Variants in PDE10A observed in about 807,000 individuals in gnomAD.
PDE10A encodes phosphodiesterase 10A.
In PDE10A, 39 loss-of-function variants were observed where a neutral mutation model predicts 97.7. The ratio of observed to expected loss-of-function variants is 0.40; its 90% CI spans 0.31 to 0.52. The LOEUF is 0.52. Among genes scored for constraint, PDE10A ranks in the 20% least tolerant of loss-of-function variants. The pLI is 0.56. For missense variants in PDE10A, 731 were observed against 1,047.8 expected (o/e 0.70, Z 4.17); for synonymous variants, 371 against 376.8 (o/e 0.98, Z 0.18).
At chr6:165,738,014 A>ATTTTAT (rs71552889) in intron 1 of PDE10A, among the ~76,000 whole-genome samples, 42,028 of 151,466 alleles carry the variant, frequency 0.28, 6,892 homozygotes, top group Middle Eastern at 0.38. Flanking sequence ...ATTTTATTTT[A>ATTTTAT]TTTTTTTATT....
At chr6:165,641,290 TTAAC>T (rs1471320536) in intron 1 of PDE10A, among the ~76,000 whole-genome samples, 1 of 152,202 alleles carries the variant, frequency 6.6e-6, no homozygotes, top group East Asian at 1.9e-4. Context: ...TATGAGGTAG[TTAAC>T]TAATTATAGC....
rs552621006 is a variant in PDE10A at position 165,523,954 on chromosome 6, A to G, written c.994+19486T>C. ...TGGGGAAGACGGGCCCACTCTTAATAAGGTGGGCACCATCTAATCAGCTTC... is the reference window on the plus strand; with the variant it reads ...TGGGGAAGACGGGCCCACTCTTAATGAGGTGGGCACCATCTAATCAGCTTC... On this transcript the variant is annotated intron_variant, in intron 2 of 21. Transcript: ENST00000539869. Among the ~76,000 whole-genome samples the G allele has an allele frequency of 1.1e-3, 166 of 152,296 alleles. 1 individual carries two copies. Among genetic ancestry groups the G allele is most frequent in the South Asian group, 0.01 (50 of 4,826 alleles).
At chr6:165,800,957 C>T (rs550622716) in intron 1 of PDE10A, among the ~76,000 whole-genome samples, 2 of 152,266 alleles carry the variant, frequency 1.3e-5, no homozygotes, top group South Asian at 4.1e-4. Flanking sequence ...ATCTCCATCA[C>T]CTGGCTCCTG....
At chr6:165,649,079 C>T (rs1254875642) in intron 1 of PDE10A, among the ~76,000 whole-genome samples, 1 of 152,160 alleles carries the variant, frequency 6.6e-6, no homozygotes, top group East Asian at 1.9e-4. Flanking sequence ...CTGACAGGCC[C>T]GTACCTTTCA....
intron 1 of PDE10A, among the ~76,000 whole-genome samples, chr6:165,845,461 C>T (rs141770997): frequency 1.3e-5 from 2 of 152,286 alleles, no homozygotes; most frequent in Non-Finnish European, 2.9e-5. Flanking sequence ...CAGGACAGAA[C>T]TCCACAAACC....
At chr6:165,968,417 C>T (rs1041103509) in intron 1 of PDE10A, among the ~76,000 whole-genome samples, 1 of 152,154 alleles carries the variant, frequency 6.6e-6, no homozygotes, top group African/African-American at 2.4e-5. Flanking sequence ...CATGAAGCCA[C>T]CACTACCACC....
chr6:165,657,083 T>A (rs756863037), intron 1 of PDE10A, among the ~76,000 whole-genome samples: 1 of 152,264 alleles, frequency 6.6e-6, no homozygotes, highest in Non-Finnish European at 1.5e-5. Flanking sequence ...GTACCTTCTC[T>A]ATGTGTGTCA....
intron 1 of PDE10A, among the ~76,000 whole-genome samples, chr6:165,737,405 A>T (rs1792604119): frequency 6.6e-6 from 1 of 152,250 alleles, no homozygotes; most frequent in Admixed American, 6.5e-5. Context: ...GATACTAGGA[A>T]ACCAAAATTA....
rs150316997 is a variant in PDE10A, at chr6:165,861,638, C to A, written c.-615+125891G>T. Among the ~76,000 whole-genome samples the A allele has an allele frequency of 4.1e-3, 624 of 151,868 alleles. 3 individuals carry two copies. Among genetic ancestry groups the A allele is most frequent in the Non-Finnish European group, 6.6e-3 (451 of 67,934 alleles). On this transcript the variant is annotated intron_variant, in intron 1 of 19. Transcript: ENST00000366882. ...AGTCGCAGGAGGACAGATGGGAGTTCGCTGGGAAGGGGAGCAGAGACCGAA... is the reference window on the plus strand; with the variant it reads ...AGTCGCAGGAGGACAGATGGGAGTTAGCTGGGAAGGGGAGCAGAGACCGAA...
chr6:165,427,595 T>C (rs890809464), intron 10 of PDE10A, among the ~76,000 whole-genome samples: 8 of 152,280 alleles, frequency 5.3e-5, no homozygotes, highest in African/African-American at 1.7e-4. Context: ...TCCGTGAATA[T>C]AGTAAAAACC....
At chr6:165,539,930 T>C (rs1032033286) in intron 2 of PDE10A, among the ~76,000 whole-genome samples, 2 of 151,556 alleles carry the variant, frequency 1.3e-5, no homozygotes, top group Non-Finnish European at 2.9e-5. Flanking sequence ...TGCTCAAAAA[T>C]CAATCAATCA....
intron 5 of PDE10A, among the ~76,000 whole-genome samples, chr6:165,440,875 C>T (rs1289837493): frequency 6.6e-6 from 1 of 151,910 alleles, no homozygotes; most frequent in Non-Finnish European, 1.5e-5. Flanking sequence ...AGGTTTTCAG[C>T]TTTCACAAAC....
chr6:165,874,396 T>C (rs1056849788), intron 1 of PDE10A, among the ~76,000 whole-genome samples: 2 of 152,064 alleles, frequency 1.3e-5, no homozygotes, highest in Non-Finnish European at 2.9e-5. Flanking sequence ...TTAGCCAGAG[T>C]AAGCAGGGTA....
At chr6:165,637,624 A>C (rs1788939048) in intron 1 of PDE10A, among the ~76,000 whole-genome samples, 1 of 152,202 alleles carries the variant, frequency 6.6e-6, no homozygotes, top group Admixed American at 6.5e-5. Context: ...CTTTGTTTCC[A>C]GGCATCATGT....
chr6:165,604,518 T>TAAAAAAAAA (rs34272357), intron 1 of PDE10A, among the ~76,000 whole-genome samples: 208 of 137,756 alleles, frequency 1.5e-3, no homozygotes, highest in Middle Eastern at 0.012. Context: ...CTCTCTTTGT[T>TAAAAAAAAA]AAAAAAAAAA....
chr6:165,712,631 C>CT (rs71675206), intron 1 of PDE10A, among the ~76,000 whole-genome samples: 14 of 88,972 alleles, frequency 1.6e-4, no homozygotes, highest in South Asian at 4.0e-4. Flanking sequence ...AACTTTCTTT[C>CT]TTTTTTTTTT....
rs199569662 is a variant in PDE10A at position 165,760,695 on chromosome 6, T to TG, written c.-614-217128dup. On this transcript the variant is annotated intron_variant, in intron 1 of 19. Coordinates refer to the PDE10A transcript ENST00000366882. ...GGCTGAACTCCTACATTGTACCTGG[T>TG]GTCCTACTGAGGTCATCTCAGTTGA... Among the ~76,000 whole-genome samples the TG allele has an allele frequency of 2.3e-4, 35 of 152,326 alleles. 1 individual carries two copies. The East Asian group carries it at 6.7e-3, about 29-fold the overall frequency.
chr6:165,753,088 T>G (rs1793044365), intron 1 of PDE10A, among the ~76,000 whole-genome samples: 1 of 152,248 alleles, frequency 6.6e-6, no homozygotes, highest in Non-Finnish European at 1.5e-5. Context: ...ATTCATACTT[T>G]ACTGAGAGTC....
intron 1 of PDE10A, among the ~76,000 whole-genome samples, chr6:165,747,979 A>G (rs1488745100): frequency 1.3e-5 from 2 of 152,200 alleles, no homozygotes; most frequent in Non-Finnish European, 1.5e-5. Context: ...GGGACCTTCC[A>G]GACTATTGTT....
Sources: allele counts gnomAD v4.1 joint callset (sites outside exome capture counted in the v4.1 genomes callset), GRCh38; gene constraint gnomAD v4.1.1; transcripts MANE v1.5; gene names NCBI Gene and HGNC (gene_info 2026-07-23, HGNC 2026-07-21).